PIK3R6: variants seen among roughly 807,000 people sequenced by gnomAD.
PIK3R6 encodes the protein phosphoinositide 3-kinase regulatory subunit 6.
PIK3R6 carries 91 observed loss-of-function variants against 84.9 expected under a neutral mutation model. The ratio of observed to expected loss-of-function variants is 1.07; its 90% CI spans 0.90 to 1.28. PIK3R6 has a LOEUF of 1.28. PIK3R6 is among the 50% of genes most tolerant of loss of function. The pLI, the probability that PIK3R6 is intolerant of heterozygous loss-of-function variation, is 0.00. For synonymous variants in PIK3R6, 416 were observed against 411.4 expected (o/e 1.01, Z -0.13); for missense variants, 996 against 985.1 (o/e 1.01, Z -0.15).
Position 8,862,154 on chromosome 17 carries a change from C to T in PIK3R6, c.-92+5375G>A, listed in dbSNP as rs1227343041. ...TCCCCTGGGGGTCTTGGAGTGTGTC[C>T]CCTGCAGGTAAGGGGACTACGCTAT... On this transcript the variant is annotated intron_variant, in intron 1 of 19. Coordinates refer to ENST00000619866, the MANE Select transcript of PIK3R6 (RefSeq NM_001010855.4). The surrounding 1 kb of genome is among the most constrained non-coding windows in gnomAD (Gnocchi z 4.3). Among the ~76,000 whole-genome samples, 1 of 152,000 alleles carries T rather than the reference C, an allele frequency of 6.6e-6. No individual in the cohort carries two copies. The highest frequency in any genetic ancestry group is 1.5e-5 in the Non-Finnish European group (1 of 67,996).
In PIK3R6 at chr17:8,825,180, G is replaced by T. The variant is rs7208010; in HGVS notation, c.1516-1683C>A. On this transcript the variant is annotated intron_variant, in intron 13 of 19. Transcript: ENST00000619866. ...ACGCAAACTTTACACTTATACTGAG[G>T]GATATATAAGGACACTTGGACAAAT... 7.4e-3 allele frequency among the ~76,000 whole-genome samples: 1,130 copies of T among 152,088 alleles called. 14 individuals are homozygous for T. Among genetic ancestry groups the T allele is most frequent in the African/African-American group, 0.026 (1,077 of 41,470 alleles).
intron 1 of PIK3R6, among the ~76,000 whole-genome samples, chr17:8,867,125 C>A (rs2089430537): frequency 6.6e-6 from 1 of 152,188 alleles, no homozygotes; most frequent in Non-Finnish European, 1.5e-5. Flanking sequence ...GTCTTCTGTT[C>A]TATAAAATGG....
At position 8,828,526 on chromosome 17, in the gene PIK3R6, CT is replaced by C. The variant is rs765189164; in HGVS notation, c.1313+40del. 5.0e-6 allele frequency: 8 copies of C among 1,596,202 alleles called. No individual in the cohort carries two copies. The African/African-American group carries it at 1.1e-4, about 21-fold the overall frequency. ...GCCCACGCCAGGCCCACCTGTGCCCCTGACCAGCGCCCACCCCCAGCCCCCA... is the reference window on the plus strand; with the variant it reads ...GCCCACGCCAGGCCCACCTGTGCCCCGACCAGCGCCCACCCCCAGCCCCCA... On this transcript the variant is annotated intron_variant, in intron 11 of 19. Transcript: ENST00000619866.
intron 1 of PIK3R6, among the ~76,000 whole-genome samples, chr17:8,861,959 A>G (rs1450149672): frequency 6.6e-6 from 1 of 152,210 alleles, no homozygotes; most frequent in Non-Finnish European, 1.5e-5. Context: ...AGGAAAAACA[A>G]ATTTTTGCTA....
intron 10 of PIK3R6, 50 bp from the exon 11 acceptor site, chr17:8,829,040 A>G (rs74852706): frequency 1.4e-6 from 2 of 1,467,362 alleles, no homozygotes; most frequent in Admixed American, 5.2e-5. Flanking sequence ...TGGCAGGGCT[A>G]CGTTTCTGAT....
intron 2 of PIK3R6, 54 bp downstream of exon 2, chr17:8,849,728 C>T: frequency 1.3e-6 from 2 of 1,568,804 alleles, no homozygotes; most frequent in African/African-American, 1.4e-5. Context: ...ATGAGAAGGG[C>T]CTTCCCCACT....
At chr17:8,836,109 G>T (rs557635056) in intron 7 of PIK3R6, among the ~76,000 whole-genome samples, 13 of 152,306 alleles carry the variant, frequency 8.5e-5, no homozygotes, top group African/African-American at 3.1e-4. Context: ...TATCTAAGAG[G>T]CTTGGCGTCC....
intron 1 of PIK3R6, among the ~76,000 whole-genome samples, chr17:8,864,528 T>A (rs904674803): frequency 1.6e-5 from 2 of 124,326 alleles, no homozygotes; most frequent in African/African-American, 6.6e-5. Context: ...CCTTCACAGC[T>A]CTTTTTTTTT....
chr17:8,816,642 A>G (rs1597383052), intron 18 of PIK3R6, among the ~76,000 whole-genome samples: 1 of 152,218 alleles, frequency 6.6e-6, no homozygotes, highest in Non-Finnish European at 1.5e-5. Flanking sequence ...GAGAATACAA[A>G]TAGGAAATGT....
At chr17:8,836,042 C>T (rs1011833264) in intron 7 of PIK3R6, among the ~76,000 whole-genome samples, 2 of 152,128 alleles carry the variant, frequency 1.3e-5, no homozygotes, top group Non-Finnish European at 2.9e-5. Flanking sequence ...AGGGAGGTGC[C>T]GCTCCCAACT....
intron 1 of PIK3R6, among the ~76,000 whole-genome samples, chr17:8,866,726 C>T (rs570084971): frequency 2.0e-5 from 3 of 152,240 alleles, no homozygotes; most frequent in Non-Finnish European, 4.4e-5. Flanking sequence ...CAGCCAGGCA[C>T]CACCTTCCAC....
chr17:8,819,482 C>G (rs927365152), intron 17 of PIK3R6, among the ~76,000 whole-genome samples: 3 of 151,890 alleles, frequency 2.0e-5, no homozygotes, highest in East Asian at 3.9e-4. Flanking sequence ...CTCCTGCAAC[C>G]CTTTTTAAAA....
intron 9 of PIK3R6, among the ~76,000 whole-genome samples, chr17:8,832,521 T>C (rs2088280754): frequency 6.7e-6 from 1 of 150,248 alleles, no homozygotes; most frequent in Non-Finnish European, 1.5e-5. Context: ...TAGCTGGGAC[T>C]GCAGGTGCCC....
chr17:8,838,094 C>T (rs1325201529), intron 4 of PIK3R6, among the ~76,000 whole-genome samples: 3 of 152,128 alleles, frequency 2.0e-5, no homozygotes, highest in Non-Finnish European at 4.4e-5. Flanking sequence ...CCTCAGAGAA[C>T]TCTGCAGGTG....
intron 5 of PIK3R6, 143 bp from the exon 6 acceptor site, chr17:8,837,066 C>A: frequency 1.5e-6 from 1 of 653,336 alleles, no homozygotes. Flanking sequence ...CAGACCTGGG[C>A]TCACAGCTCT....
chr17:8,811,360 C>A (rs893693841), intron 18 of PIK3R6, among the ~76,000 whole-genome samples: 3 of 148,580 alleles, frequency 2.0e-5, no homozygotes, highest in Non-Finnish European at 2.9e-5. Flanking sequence ...GTGAAGACCT[C>A]TGACATGCCC....
At chr17:8,847,568 A>G (rs997882899) in intron 2 of PIK3R6, among the ~76,000 whole-genome samples, 1 of 152,182 alleles carries the variant, frequency 6.6e-6, no homozygotes, top group African/African-American at 2.4e-5. Flanking sequence ...TGGGAGGCCG[A>G]GGCAGGTGTA....
At chr17:8,830,613 T>C (rs2088200689) in intron 9 of PIK3R6, among the ~76,000 whole-genome samples, 1 of 152,206 alleles carries the variant, frequency 6.6e-6, no homozygotes, top group Admixed American at 6.5e-5. Flanking sequence ...ATCCTGCCAA[T>C]GGCCCTGGGC....
chr17:8,830,154 T>C (rs1278101171), intron 9 of PIK3R6, among the ~76,000 whole-genome samples: 1 of 152,224 alleles, frequency 6.6e-6, no homozygotes, highest in East Asian at 1.9e-4. Context: ...ATGCCCTGCC[T>C]GCATCCAGAC....
Sources: gnomAD v4.1 joint callset for allele counts (sites outside exome capture counted in the v4.1 genomes callset) on GRCh38, gnomAD v4.1.1 for gene constraint, Gnocchi (gnomAD v3.1) non-coding constraint, MANE v1.5 for transcripts, NCBI Gene and HGNC (gene_info 2026-07-23, HGNC 2026-07-21) for gene names.